Variants in ALDH8A1 observed in about 807,000 individuals in gnomAD.
ALDH8A1 encodes aldehyde dehydrogenase 8 family member A1, also known as 2-aminomuconic semialdehyde dehydrogenase.
ALDH8A1 carries 39 observed loss-of-function variants against 43.3 expected under a neutral mutation model. The ratio of observed to expected loss-of-function variants is 0.90; its 90% CI spans 0.70 to 1.18. ALDH8A1 has a LOEUF of 1.18. Among genes scored for constraint, ALDH8A1 ranks in the 50% most tolerant of loss-of-function variants. ALDH8A1 has a pLI of 0.00. For missense variants in ALDH8A1, 605 were observed against 622.6 expected, an observed-to-expected ratio of 0.97 and a Z score of 0.30; for synonymous variants, 233 against 243.5, an observed-to-expected ratio of 0.96 and a Z score of 0.40.
At chr6:134,925,832 G>A (rs751264186) in intron 6 of ALDH8A1, among the ~76,000 whole-genome samples, 1 of 152,196 alleles carries the variant, frequency 6.6e-6, no homozygotes, top group Non-Finnish European at 1.5e-5. Context: ...CCCTCATTCA[G>A]GTGACATCTA....
At chr6:134,939,161 C>T (rs1234070808) in intron 4 of ALDH8A1, 105 bp downstream of exon 4, 1 of 1,504,638 alleles carries the variant, frequency 6.6e-7, no homozygotes, top group East Asian at 2.3e-5. Flanking sequence ...AAAGACAAAG[C>T]CCATGATGTC....
chr6:134,921,677 G>A (rs1033137936), intron 6 of ALDH8A1, among the ~76,000 whole-genome samples: 3 of 152,228 alleles, frequency 2.0e-5, no homozygotes, highest in Non-Finnish European at 2.9e-5. Flanking sequence ...GGGCGGACAC[G>A]AAAACTCCAG....
At chr6:134,942,198 C>T (rs1258879977) in intron 3 of ALDH8A1, 5 of 487,532 alleles carry the variant, frequency 1.0e-5, no homozygotes, top group East Asian at 4.4e-5. Context: ...CCAGCCTGGG[C>T]GACAGAGCAA....
rs1773809593 is a variant in ALDH8A1 at position 134,939,322 on chromosome 6, G to C, written c.536C>G (p.Pro179Arg). Residue 179 changes from proline (P) to arginine (R), a missense_variant, in exon 4 of 7, where the codon CCC becomes CGC. Physicochemically the swap from Pro to Arg is moderately radical, Grantham distance 103. Transcript: ENST00000265605. ...CGCAGTCACTGAAGTCAGCTCACTG[G>C]GCTTGGCTATCACAGTGTTCCCTGC... ...MAAGNTVIAKPSELTSVTAWM... is the reference protein window; with the variant it reads ...MAAGNTVIAKRSELTSVTAWM... The C allele has an allele frequency of 6.2e-7, 1 of 1,614,070 alleles. No homozygotes were observed. The highest frequency in any genetic ancestry group is 1.7e-5 in the Admixed American group (1 of 59,998).
rs771576925 is a variant in ALDH8A1 at position 134,932,902 on chromosome 6, C to G, written c.723G>C (p.Gln241His). Reference protein sequence around the residue: ...GSQPTAERITQLSAPHCKKLS... With the variant: ...GSQPTAERITHLSAPHCKKLS... ...GCTTTTTGCAGTGGGGAGCGCTCAGCTGGGTGATCCGCTCAGCGGTGGGCT... is the reference window on the plus strand; with the variant it reads ...GCTTTTTGCAGTGGGGAGCGCTCAGGTGGGTGATCCGCTCAGCGGTGGGCT... The change falls in exon 5 of 7, where the codon CAG (glutamine) becomes CAC (histidine). Residue 241 changes from glutamine to histidine, a missense_variant. Transcript: ENST00000265605. 36 of 1,614,222 alleles carry G rather than the reference C, an allele frequency of 2.2e-5. No homozygotes were observed. The East Asian group carries it at 8.0e-4, about 36-fold the overall frequency.
chr6:134,924,567 T>A (rs1464927727), intron 6 of ALDH8A1, among the ~76,000 whole-genome samples: 1 of 152,204 alleles, frequency 6.6e-6, no homozygotes, highest in African/African-American at 2.4e-5. Flanking sequence ...CCAGAATCCA[T>A]CACAACACGC....
chr6:134,940,225 CAA>C, intron 3 of ALDH8A1: 9 of 340,980 alleles, frequency 2.6e-5, no homozygotes, highest in East Asian at 9.4e-5. Context: ...CCTGGAACTT[CAA>C]AAAAAAATAA....
Position 134,919,857 on chromosome 6 carries a change from T to C in ALDH8A1, c.1012-990A>G, listed in dbSNP as rs116480742. ...TATTCTCCATGTAAAATAGAGGTAA[T>C]ATTATTCTATTATTAAATTTGCTCC... On this transcript the variant is annotated intron_variant, in intron 6 of 6. Coordinates refer to ENST00000265605, the MANE Select transcript of ALDH8A1 (RefSeq NM_022568.4). Among the ~76,000 whole-genome samples the C allele has an allele frequency of 3.7e-3, 557 of 152,282 alleles. 2 individuals are homozygous for C. The highest frequency in any genetic ancestry group is 0.013 in the African/African-American group (524 of 41,564).
intron 4 of ALDH8A1, among the ~76,000 whole-genome samples, chr6:134,937,957 C>T (rs904906560): frequency 6.6e-6 from 1 of 152,124 alleles, no homozygotes; most frequent in African/African-American, 2.4e-5. Context: ...GATCGTAAGG[C>T]CCAGTGCCGT....
chr6:134,922,331 A>G (rs924825909), intron 6 of ALDH8A1, among the ~76,000 whole-genome samples: 1 of 152,088 alleles, frequency 6.6e-6, no homozygotes, highest in East Asian at 1.9e-4. Context: ...GCCTTGAAAA[A>G]CTTGGCTGCT....
rs529755041 is a variant in ALDH8A1, at chr6:134,917,495, C to T, written c.*920G>A. 1.3e-5 allele frequency: 2 copies of T among 152,116 alleles called. No homozygotes were observed. The highest frequency in any genetic ancestry group is 2.1e-4 in the South Asian group (1 of 4,820). 9.4% of individuals were successfully genotyped at this position (152,116 alleles called of 1,614,324 possible). A position where few individuals can be genotyped will look rare whatever the true frequency, so the allele number is the denominator to read the frequency against. ...AGAAATGGAATTGATTAGACTCGAC[C>T]GTAGGAATGGATCAAACTATGTACT... On this transcript the variant is annotated 3_prime_UTR_variant, in exon 7 of 7. Transcript: ENST00000265605.
chr6:134,938,076 C>T (rs980517799), intron 4 of ALDH8A1, among the ~76,000 whole-genome samples: 3 of 152,126 alleles, frequency 2.0e-5, no homozygotes, highest in African/African-American at 7.2e-5. Flanking sequence ...AAAGGTGTTC[C>T]GAAGCGGGAG....
intron 4 of ALDH8A1, among the ~76,000 whole-genome samples, chr6:134,935,353 G>T (rs1433824973): frequency 6.6e-6 from 1 of 152,218 alleles, no homozygotes; most frequent in African/African-American, 2.4e-5. Context: ...GAAGAAATTT[G>T]AGGGAAAGTG....
At chr6:134,933,181 A>G (rs1056570997) in intron 4 of ALDH8A1, 149 bp from the exon 5 acceptor site, 17 of 901,346 alleles carry the variant, frequency 1.9e-5, no homozygotes, top group African/African-American at 3.4e-5. Context: ...TGGAACTTCT[A>G]TGGCTGCCTC....
At chr6:134,920,555 A>C (rs1165656236) in intron 6 of ALDH8A1, among the ~76,000 whole-genome samples, 1 of 152,216 alleles carries the variant, frequency 6.6e-6, no homozygotes, top group African/African-American at 2.4e-5. Flanking sequence ...ATGTGATCAC[A>C]TGATTTATCT....
At chr6:134,945,749 G>T (rs1441428642) in intron 1 of ALDH8A1, among the ~76,000 whole-genome samples, 1 of 152,038 alleles carries the variant, frequency 6.6e-6, no homozygotes, top group Non-Finnish European at 1.5e-5. Flanking sequence ...TAATCTAGCC[G>T]CCTGAGCCTG....
At chr6:134,921,106 T>A (rs1047490606) in intron 6 of ALDH8A1, among the ~76,000 whole-genome samples, 18 of 152,178 alleles carry the variant, frequency 1.2e-4, no homozygotes, top group African/African-American at 4.1e-4. Context: ...TTATTGATGA[T>A]GTTGGTGATG....
intron 4 of ALDH8A1, among the ~76,000 whole-genome samples, chr6:134,936,067 T>A (rs562114192): frequency 8.7e-4 from 133 of 152,016 alleles, no homozygotes; most frequent in Middle Eastern, 3.4e-3. Flanking sequence ...TTTTCCCACC[T>A]CAGCCTCCTA....
intron 1 of ALDH8A1, 106 bp downstream of exon 1, chr6:134,949,810 A>G (rs1241002652): frequency 1.5e-6 from 2 of 1,308,002 alleles, no homozygotes; most frequent in Non-Finnish European, 2.0e-6. Flanking sequence ...ATCATGTTTA[A>G]CAATCCTACA....
Sources: gnomAD v4.1 joint callset for allele counts (sites outside exome capture counted in the v4.1 genomes callset) on GRCh38, gnomAD v4.1.1 for gene constraint, MANE v1.5 for transcripts, NCBI Gene and HGNC (gene_info 2026-07-23, HGNC 2026-07-21) for gene names.